THAP12: variants seen among roughly 807,000 people sequenced by gnomAD.
THAP12 encodes 52 kDa repressor of the inhibitor of the protein kinase.
A neutral mutation model predicts 63.0 loss-of-function variants in THAP12; 20 were observed. The observed-to-expected ratio is 0.32, with a 90% confidence interval of 0.22 to 0.46. The LOEUF is 0.46. Among genes scored for constraint, THAP12 ranks in the 20% least tolerant of loss-of-function variants. The probability of loss-of-function intolerance (pLI) is 1.00; values close to 1 mark genes in which losing one functional copy is unlikely to be tolerated. For missense variants in THAP12, 568 were observed against 908.2 expected (o/e 0.63, Z 4.81); for synonymous variants, 264 against 328.4 (o/e 0.80, Z 2.12).
chr11:76,366,118 A>C, intron 1 of THAP12, 146 bp from the exon 2 acceptor site: 1 of 979,746 alleles, frequency 1.0e-6, no homozygotes, highest in East Asian at 2.6e-5. Context: ...TTAATAACAA[A>C]ATAACAGTTG....
At chr11:76,353,130 T>A (rs984581761) in intron 4 of THAP12, among the ~76,000 whole-genome samples, 10 of 152,076 alleles carry the variant, frequency 6.6e-5, no homozygotes, top group African/African-American at 2.2e-4. Flanking sequence ...CAAGTGATCC[T>A]CCCACCTCAG....
intron 1 of THAP12, chr11:76,368,714 T>A (rs1946649023): frequency 6.6e-6 from 1 of 152,070 alleles, no homozygotes; most frequent in Middle Eastern, 3.2e-3. Flanking sequence ...AATATCTACA[T>A]GAAAAAAATA....
At chr11:76,366,635 T>G (rs531054811) in intron 1 of THAP12, among the ~76,000 whole-genome samples, 222 of 151,478 alleles carry the variant, frequency 1.5e-3, no homozygotes, top group Non-Finnish European at 2.6e-3. Flanking sequence ...GAGCCGAGAT[T>G]GCGCCACTGC....
chr11:76,376,796 C>A (rs574555381), intron 1 of THAP12, among the ~76,000 whole-genome samples: 1 of 151,636 alleles, frequency 6.6e-6, no homozygotes, highest in Non-Finnish European at 1.5e-5. Context: ...ATAGACTATA[C>A]TCCCCTTAAG....
intron 2 of THAP12, among the ~76,000 whole-genome samples, chr11:76,363,581 C>A (rs1946612240): frequency 1.6e-5 from 1 of 62,894 alleles, no homozygotes; most frequent in African/African-American, 7.2e-5. Context: ...ATCAGAAAAT[C>A]CAGGGGTTTT....
In THAP12 at chr11:76,380,849, G is replaced by C; in HGVS notation, c.-13C>G. On this transcript the variant is annotated 5_prime_UTR_variant, in exon 1 of 5. Transcript: ENST00000260045. ...AGAAGTTCGGCATCGTCGCCCGCCCGCCGGCCGGCCCAGCCCTCCCCTCCC... is the reference window on the plus strand; with the variant it reads ...AGAAGTTCGGCATCGTCGCCCGCCCCCCGGCCGGCCCAGCCCTCCCCTCCC... 2 of 1,418,592 alleles carry C rather than the reference G, an allele frequency of 1.4e-6. No individual in the cohort carries two copies. Among genetic ancestry groups the C allele is most frequent in the Non-Finnish European group, 1.9e-6 (2 of 1,074,304 alleles). The allele number at this position is 1,418,592 out of a possible 1,614,324, so 87.9% of individuals were successfully genotyped here. A position where few individuals can be genotyped will look rare whatever the true frequency, so the allele number is the denominator to read the frequency against.
chr11:76,363,114 G>A (rs1356791561), intron 2 of THAP12, among the ~76,000 whole-genome samples: 1 of 152,174 alleles, frequency 6.6e-6, no homozygotes, highest in Non-Finnish European at 1.5e-5. Context: ...CTGCACCCCA[G>A]CTTAGGCAAC....
chr11:76,367,071 C>A (rs1302915583), intron 1 of THAP12, among the ~76,000 whole-genome samples: 1 of 148,402 alleles, frequency 6.7e-6, no homozygotes, highest in African/African-American at 2.5e-5. Context: ...CCTCAAATTT[C>A]TTTTCTTTTC....
chr11:76,353,841 T>C (rs1456763740), intron 4 of THAP12, among the ~76,000 whole-genome samples: 2 of 152,202 alleles, frequency 1.3e-5, no homozygotes, highest in Non-Finnish European at 2.9e-5. Flanking sequence ...AAACCCCATC[T>C]CTACTAAAAA....
chr11:76,374,955 G>A (rs1046957109), intron 1 of THAP12, among the ~76,000 whole-genome samples: 3 of 152,186 alleles, frequency 2.0e-5, no homozygotes, highest in Non-Finnish European at 4.4e-5. Context: ...AGCCAAGAGT[G>A]AGCCCTCACC....
chr11:76,379,151 T>A (rs1946731752), intron 1 of THAP12, among the ~76,000 whole-genome samples: 1 of 152,168 alleles, frequency 6.6e-6, no homozygotes, highest in Admixed American at 6.5e-5. Context: ...AATCTTGAAG[T>A]CGTCCTTAAG....
At chr11:76,365,738 G>C in intron 2 of THAP12, 114 bp downstream of exon 2, 2 of 1,278,122 alleles carry the variant, frequency 1.6e-6, no homozygotes, top group Non-Finnish European at 2.1e-6. Context: ...ATCTTAAAGT[G>C]GCAGGATATA....
At chr11:76,354,906 T>C (rs1213333017) in intron 4 of THAP12, among the ~76,000 whole-genome samples, 1 of 152,192 alleles carries the variant, frequency 6.6e-6, no homozygotes, top group Non-Finnish European at 1.5e-5. Flanking sequence ...AGAATACCTT[T>C]CCCTCTCTTT....
intron 1 of THAP12, among the ~76,000 whole-genome samples, chr11:76,366,364 T>C (rs1300329943): frequency 6.6e-5 from 10 of 152,094 alleles, no homozygotes; most frequent in African/African-American, 2.2e-4. Flanking sequence ...TCAACAAGCA[T>C]ACAAAACAAC....
At chr11:76,361,176 A>G (rs912622474) in intron 2 of THAP12, 113 bp from the exon 3 acceptor site, 1 of 660,538 alleles carries the variant, frequency 1.5e-6, no homozygotes, top group Admixed American at 3.0e-5. Context: ...GCTCTAAAGT[A>G]TAGAGACTTA....
At chr11:76,366,406 G>A (rs1299332033) in intron 1 of THAP12, among the ~76,000 whole-genome samples, 2 of 152,186 alleles carry the variant, frequency 1.3e-5, no homozygotes, top group Non-Finnish European at 2.9e-5. Flanking sequence ...CAATTAGGCC[G>A]GGCGTGTTGT....
chr11:76,368,250 A>C (rs923517583), intron 1 of THAP12, among the ~76,000 whole-genome samples: 39 of 152,228 alleles, frequency 2.6e-4, no homozygotes, highest in African/African-American at 9.4e-4. Flanking sequence ...TTCTATATGA[A>C]CTACTTAAGA....
At chr11:76,363,017 C>T (rs1384254785) in intron 2 of THAP12, among the ~76,000 whole-genome samples, 1 of 152,122 alleles carries the variant, frequency 6.6e-6, no homozygotes, top group Admixed American at 6.5e-5. Context: ...GTGGCATGTG[C>T]CTGTAGTTCC....
At chr11:76,364,423 C>A in intron 2 of THAP12, 1 of 435,758 alleles carries the variant, frequency 2.3e-6, no homozygotes, top group African/African-American at 2.0e-5. Context: ...GATGCCTCTG[C>A]AAAATGTATC....
Sources: gnomAD v4.1 joint callset for allele counts (sites outside exome capture counted in the v4.1 genomes callset) on GRCh38, gnomAD v4.1.1 for gene constraint, MANE v1.5 for transcripts, NCBI Gene and HGNC (gene_info 2026-07-23, HGNC 2026-07-21) for gene names.